MAN1C1: variants seen among roughly 807,000 people sequenced by gnomAD.
The protein encoded by MAN1C1 is mannosyl-oligosaccharide 1,2-alpha-mannosidase IC.
MAN1C1 carries 49 observed loss-of-function variants against 71.5 expected under a neutral mutation model. That is an observed-to-expected ratio of 0.69 (90% CI 0.54 to 0.87). The LOEUF (loss-of-function observed/expected upper bound fraction) is 0.87. Among genes scored for constraint, MAN1C1 ranks in the 40% least tolerant of loss-of-function variants. The pLI, the probability that MAN1C1 is intolerant of heterozygous loss-of-function variation, is 0.00. For synonymous variants in MAN1C1, 352 were observed against 343.7 expected (o/e 1.02, Z -0.27); for missense variants, 743 against 835.0 (o/e 0.89, Z 1.36).
chr1:25,658,664 AG>A (rs2045803481), intron 1 of MAN1C1: 1 of 152,206 alleles, frequency 6.6e-6, no homozygotes. Flanking sequence ...CATGTTGCCC[AG>A]GCTCGTCTTG....
At chr1:25,672,193 C>T (rs1484600691) in intron 1 of MAN1C1, among the ~76,000 whole-genome samples, 1 of 152,172 alleles carries the variant, frequency 6.6e-6, no homozygotes, top group East Asian at 1.9e-4. Context: ...GAGGAAGGTG[C>T]CCTAGCTCCA....
chr1:25,772,521 A>T (rs1426092900), intron 8 of MAN1C1: 1 of 152,304 alleles, frequency 6.6e-6, no homozygotes, highest in South Asian at 2.1e-4. Flanking sequence ...CCAACTAAGG[A>T]AAAGGCACTG....
chr1:25,626,047 T>C (rs2124749798), intron 1 of MAN1C1, among the ~76,000 whole-genome samples: 1 of 152,378 alleles, frequency 6.6e-6, no homozygotes, highest in East Asian at 1.9e-4. Context: ...AAAGCTGCTA[T>C]AAACATTTTA....
intron 1 of MAN1C1, among the ~76,000 whole-genome samples, chr1:25,652,155 T>C (rs3754157): frequency 0.088 from 13,455 of 152,282 alleles, 1,304 homozygotes; most frequent in East Asian, 0.22. Flanking sequence ...GTGGACACTC[T>C]TGTCCTGGGG....
At chr1:25,722,373 T>C (rs1431214455) in intron 2 of MAN1C1, among the ~76,000 whole-genome samples, 1 of 152,150 alleles carries the variant, frequency 6.6e-6, no homozygotes, top group Non-Finnish European at 1.5e-5. Flanking sequence ...TTCCACCGAT[T>C]TTTCTGTTTC....
rs769096354 is a variant in MAN1C1 at position 25,753,348 on chromosome 1, G to A, written c.835-136G>A. On this transcript the variant is annotated intron_variant, in intron 4 of 11. Transcript: ENST00000374332. The surrounding 1 kb of genome is among the most constrained non-coding windows in gnomAD (Gnocchi z 4.9). ...CACGTGGCCAGCAGTTGGAAGAACC[G>A]GGCTGGTGGACTGCAGCACTGCCCC... The A allele has an allele frequency of 2.6e-5, 14 of 536,976 alleles. No homozygotes were observed. The highest frequency in any genetic ancestry group is 4.6e-5 in the Non-Finnish European group (14 of 303,702). 33.3% of individuals were successfully genotyped at this position (536,976 alleles called of 1,614,324 possible).
chr1:25,664,980 AGT>A (rs1467503701), intron 1 of MAN1C1, among the ~76,000 whole-genome samples: 4 of 152,232 alleles, frequency 2.6e-5, no homozygotes, highest in Non-Finnish European at 5.9e-5. Context: ...GTGAGAACTT[AGT>A]CAAGAAAGTG....
rs1420993706 is a variant in MAN1C1 at position 25,775,668 on chromosome 1, C to G, written c.1258-2437C>G. On this transcript the variant is annotated intron_variant, in intron 8 of 11. Transcript: ENST00000374332. The surrounding 1 kb of genome is among the most constrained non-coding windows in gnomAD (Gnocchi z 5.1). ...GTGCTGGTTTAAATTGGGGCATTCT[C>G]TCCAAGGAAGTGACATTCTGGAGGA... Among the ~76,000 whole-genome samples the G allele has an allele frequency of 3.9e-5, 6 of 152,192 alleles. No individual in the cohort carries two copies. The highest frequency in any genetic ancestry group is 8.8e-5 in the Non-Finnish European group (6 of 68,036).
chr1:25,732,178 G>A (rs2046918428), intron 2 of MAN1C1, among the ~76,000 whole-genome samples: 1 of 152,120 alleles, frequency 6.6e-6, no homozygotes, highest in Admixed American at 6.5e-5. Flanking sequence ...GCCTGCTGCA[G>A]GGGGGCCTTG....
intron 1 of MAN1C1, among the ~76,000 whole-genome samples, chr1:25,677,580 G>T (rs2046087015): frequency 6.6e-6 from 1 of 152,018 alleles, no homozygotes; most frequent in African/African-American, 2.4e-5. Context: ...TGTAGCTCTG[G>T]CCCTTTCCCC....
At chr1:25,669,870 T>C (rs1197008076) in intron 1 of MAN1C1, among the ~76,000 whole-genome samples, 1 of 152,230 alleles carries the variant, frequency 6.6e-6, no homozygotes, top group Non-Finnish European at 1.5e-5. Context: ...CAAGGCCCTT[T>C]ACTACCCATG....
rs2047239842 is a variant in MAN1C1 at position 25,753,199 on chromosome 1, A to C, written c.835-285A>C. 6.6e-6 allele frequency among the ~76,000 whole-genome samples: 1 copy of C among 152,054 alleles called. No individual in the cohort carries two copies. Among genetic ancestry groups the C allele is most frequent in the South Asian group, 2.1e-4 (1 of 4,828 alleles). On this transcript the variant is annotated intron_variant, in intron 4 of 11. Coordinates refer to ENST00000374332, the MANE Select transcript of MAN1C1 (RefSeq NM_020379.4). The surrounding 1 kb of genome is among the most constrained non-coding windows in gnomAD (Gnocchi z 4.9). ...TCCAGCCTTTGCCACCAGAGTCCTGACACTGTGGTAGATGCTTTGCCACAA... is the reference window on the plus strand; with the variant it reads ...TCCAGCCTTTGCCACCAGAGTCCTGCCACTGTGGTAGATGCTTTGCCACAA...
At chr1:25,751,036 G>A (rs1027008269) in intron 4 of MAN1C1, among the ~76,000 whole-genome samples, 1 of 142,612 alleles carries the variant, frequency 7.0e-6, no homozygotes. Flanking sequence ...CTTTCCTTCC[G>A]TTCTTCCTTC....
rs1330038434 is a variant in MAN1C1, at chr1:25,769,543, C to T, written c.1142-2114C>T. Among the ~76,000 whole-genome samples, 1 of 152,150 alleles carries T rather than the reference C, an allele frequency of 6.6e-6. No individual in the cohort carries two copies. Among genetic ancestry groups the T allele is most frequent in the African/African-American group, 2.4e-5 (1 of 41,430 alleles). ...GTGCCCCTCCAGAGGAAGCCTGGAC[C>T]TTGTCACGCACACACTCCACCACCG... On this transcript the variant is annotated intron_variant, in intron 7 of 11. Transcript: ENST00000374332. The surrounding 1 kb of genome is among the most constrained non-coding windows in gnomAD (Gnocchi z 4.8).
At chr1:25,656,093 G>GTTTTTTTTTTTTT (rs1557751359) in intron 1 of MAN1C1, among the ~76,000 whole-genome samples, 1 of 79,896 alleles carries the variant, frequency 1.3e-5, no homozygotes. Flanking sequence ...GGGATTATCA[G>GTTTTTTTTTTTTT]TCTTTTTTTT....
Position 25,735,130 on chromosome 1 carries a change from C to T in MAN1C1, c.638-11538C>T, listed in dbSNP as rs76643477. Among the ~76,000 whole-genome samples the T allele has an allele frequency of 3.9e-5, 6 of 152,168 alleles. No individual in the cohort carries two copies. The East Asian group carries it at 7.7e-4, about 20-fold the overall frequency. On this transcript the variant is annotated intron_variant, in intron 2 of 11. Transcript: ENST00000374332. This position sits in a 1 kb window ranked among gnomAD's most constrained non-coding sequence, Gnocchi z 4.6. The stretch of plus-strand genomic sequence containing the variant: ...CATGAAAAGACGATTAAGACATAGG[C>T]GGCCAGTCGCGGTGGCTCACGCCTG...
chr1:25,654,935 G>A (rs936657145), intron 1 of MAN1C1, among the ~76,000 whole-genome samples: 5 of 152,132 alleles, frequency 3.3e-5, no homozygotes, highest in Non-Finnish European at 5.9e-5. Flanking sequence ...GTGAGCCACC[G>A]TGTCGGGCCT....
At chr1:25,747,625 T>C (rs2047148570) in intron 3 of MAN1C1, among the ~76,000 whole-genome samples, 1 of 152,042 alleles carries the variant, frequency 6.6e-6, no homozygotes, top group Admixed American at 6.5e-5. Context: ...CCTGCCTCCT[T>C]GAGAGACAGC....
intron 1 of MAN1C1, among the ~76,000 whole-genome samples, chr1:25,679,534 T>C (rs2046116352): frequency 4.1e-5 from 6 of 146,256 alleles, no homozygotes; most frequent in Non-Finnish European, 6.0e-5. Context: ...AATAACAGCC[T>C]CCAGTAAAAT....
Sources: allele counts gnomAD v4.1 joint callset (sites outside exome capture counted in the v4.1 genomes callset), GRCh38; gene constraint gnomAD v4.1.1; non-coding constraint Gnocchi (gnomAD v3.1); transcripts MANE v1.5; gene names NCBI Gene and HGNC (gene_info 2026-07-23, HGNC 2026-07-21).